Variants in ANKRD45 observed in about 807,000 individuals in gnomAD.
The protein encoded by ANKRD45 is ankyrin repeat domain-containing protein 45.
In ANKRD45, 21 loss-of-function variants were observed where a neutral mutation model predicts 28.1. That is an observed-to-expected ratio of 0.75 (90% CI 0.53 to 1.08). ANKRD45 has a LOEUF of 1.08. Ranked by LOEUF, ANKRD45 falls within the 50% of genes least tolerant of loss-of-function variation. ANKRD45 has a pLI of 0.00. For missense variants in ANKRD45, 261 were observed against 308.7 expected (o/e 0.85, Z 1.16); for synonymous variants, 86 against 103.9 (o/e 0.83, Z 1.05).
At chr1:173,667,815 A>G (rs1037513030) in intron 1 of ANKRD45, 1 of 367,348 alleles carries the variant, frequency 2.7e-6, no homozygotes, top group Admixed American at 3.7e-5. Context: ...CCCTTTTCCA[A>G]CTATATATCT....
chr1:173,640,493 T>C (rs1310649567), intron 3 of ANKRD45, among the ~76,000 whole-genome samples: 5 of 152,334 alleles, frequency 3.3e-5, no homozygotes, highest in South Asian at 2.1e-4. Flanking sequence ...TGTACCAGGA[T>C]TGAGTCCTAC....
the ANKRD45 span, among the ~76,000 whole-genome samples, chr1:173,674,887 A>G: frequency 1.3e-5 from 2 of 152,172 alleles, no homozygotes; most frequent in Non-Finnish European, 2.9e-5. Flanking sequence ...GAGAAAGCAT[A>G]TTAAAAGAAA....
At chr1:173,647,467 C>T (rs1214248900) in intron 2 of ANKRD45, among the ~76,000 whole-genome samples, 1 of 152,102 alleles carries the variant, frequency 6.6e-6, no homozygotes, top group African/African-American at 2.4e-5. Flanking sequence ...CTGTGTATAC[C>T]TTAGGTTTGG....
At chr1:173,612,691 C>T (rs1451123657) in intron 5 of ANKRD45, 2 of 157,000 alleles carry the variant, frequency 1.3e-5, no homozygotes, top group African/African-American at 4.8e-5. Flanking sequence ...AGCCTCCCTG[C>T]CTGATTCTTC....
At chr1:173,655,593 C>G in intron 2 of ANKRD45, among the ~76,000 whole-genome samples, 1 of 152,210 alleles carries the variant, frequency 6.6e-6, no homozygotes, top group Non-Finnish European at 1.5e-5. Flanking sequence ...TGTCCGTTCT[C>G]AGAGCTCAGA....
chr1:173,698,385 ATTGT>A, the ANKRD45 span, among the ~76,000 whole-genome samples: 1,187 of 152,048 alleles, frequency 7.8e-3, 10 homozygotes, highest in African/African-American at 0.028. Flanking sequence ...TCAGCACCAC[ATTGT>A]ACTTATTCCA....
chr1:173,620,874 G>GT (rs1160793163), intron 5 of ANKRD45, among the ~76,000 whole-genome samples: 1 of 151,974 alleles, frequency 6.6e-6, no homozygotes, highest in African/African-American at 2.4e-5. Flanking sequence ...CCAGGAGCTG[G>GT]TTTTTTGGAA....
the ANKRD45 span, among the ~76,000 whole-genome samples, chr1:173,714,311 T>C: frequency 6.6e-6 from 1 of 152,110 alleles, no homozygotes; most frequent in Non-Finnish European, 1.5e-5. Flanking sequence ...TTTTTGGCTC[T>C]GCTTGCTACT....
chr1:173,699,718 T>C, the ANKRD45 span, among the ~76,000 whole-genome samples: 1 of 152,212 alleles, frequency 6.6e-6, no homozygotes. Flanking sequence ...AATATCATAC[T>C]GAATGGGCAA....
chr1:173,686,264 G>A, the ANKRD45 span, among the ~76,000 whole-genome samples: 239 of 152,264 alleles, frequency 1.6e-3, no homozygotes, highest in Non-Finnish European at 2.4e-3. Context: ...TAACTAGATG[G>A]TCAGCAATAG....
At chr1:173,656,186 C>T (rs766924335) in intron 2 of ANKRD45, among the ~76,000 whole-genome samples, 2 of 152,204 alleles carry the variant, frequency 1.3e-5, no homozygotes, top group South Asian at 4.1e-4. Context: ...TCTTCTGCGT[C>T]GATCATGCTG....
At chr1:173,631,594 C>G (rs571231140) in intron 3 of ANKRD45, among the ~76,000 whole-genome samples, 2 of 152,066 alleles carry the variant, frequency 1.3e-5, no homozygotes, top group East Asian at 3.9e-4. Context: ...GGCCACAAAA[C>G]AAGTCTTAAA....
intron 2 of ANKRD45, among the ~76,000 whole-genome samples, chr1:173,648,710 T>C (rs1419952587): frequency 1.3e-5 from 2 of 152,144 alleles, no homozygotes; most frequent in African/African-American, 4.8e-5. Context: ...TTCCCACACA[T>C]TGGAAAATAC....
the ANKRD45 span, among the ~76,000 whole-genome samples, chr1:173,696,944 A>G: frequency 1.1e-4 from 17 of 152,314 alleles, no homozygotes; most frequent in East Asian, 3.3e-3. Context: ...ATGGCTAACT[A>G]GAATAAACAG....
At chr1:173,621,084 AC>A (rs1442488490) in intron 5 of ANKRD45, among the ~76,000 whole-genome samples, 1 of 152,166 alleles carries the variant, frequency 6.6e-6, no homozygotes, top group Non-Finnish European at 1.5e-5. Flanking sequence ...GGACACATAC[AC>A]CCTCCAAAGA....
At chr1:173,662,425 G>C (rs1240302772) in intron 1 of ANKRD45, among the ~76,000 whole-genome samples, 7 of 152,120 alleles carry the variant, frequency 4.6e-5, no homozygotes, top group Non-Finnish European at 1.0e-4. Context: ...AAGCTGTTAG[G>C]AATTCTTTGG....
At position 173,610,897 on chromosome 1, in the gene ANKRD45, C is replaced by T. The variant is rs114029845; in HGVS notation, c.731-682G>A. On this transcript the variant is annotated intron_variant, in intron 5 of 5. Transcript: ENST00000333279. ...CTCACTCTTAAACTATACTCACTTT[C>T]TCTAGTCTCCTCTCCCTCCAATCCA... 3.3e-3 allele frequency among the ~76,000 whole-genome samples: 508 copies of T among 152,246 alleles called. 2 individuals are homozygous for T. Among genetic ancestry groups the T allele is most frequent in the African/African-American group, 0.012 (483 of 41,540 alleles).
chr1:173,674,351 CT>C (rs374926237), upstream of ANKRD45, among the ~76,000 whole-genome samples: 1,016 of 145,970 alleles, frequency 7.0e-3, 8 homozygotes, highest in African/African-American at 0.019. Flanking sequence ...ATATTTTTGG[CT>C]TTTTTTTTTT....
At chr1:173,634,333 C>A (rs1020067666) in intron 3 of ANKRD45, among the ~76,000 whole-genome samples, 1 of 151,828 alleles carries the variant, frequency 6.6e-6, no homozygotes, top group Non-Finnish European at 1.5e-5. Context: ...TAGATAGATA[C>A]AATTATTTTC....
Sources: gnomAD v4.1 joint callset for allele counts (sites outside exome capture counted in the v4.1 genomes callset) on GRCh38, gnomAD v4.1.1 for gene constraint, MANE v1.5 for transcripts, NCBI Gene and HGNC (gene_info 2026-07-23, HGNC 2026-07-21) for gene names.